HBP1: variants seen among roughly 807,000 people sequenced by gnomAD.
The protein encoded by HBP1 is HMG box-containing protein 1.
Under a neutral mutation model 62.6 loss-of-function variants are expected in HBP1, and 20 were observed. The ratio of observed to expected loss-of-function variants is 0.32; its 90% CI spans 0.22 to 0.46. The LOEUF (loss-of-function observed/expected upper bound fraction) is 0.46, where lower values mean the gene tolerates loss of function less well. HBP1 is among the 20% of genes least tolerant of loss of function. The pLI is 1.00. For synonymous variants in HBP1, 232 were observed against 206.2 expected, an observed-to-expected ratio of 1.12 and a Z score of -1.07; for missense variants, 480 against 611.8, an observed-to-expected ratio of 0.78 and a Z score of 2.27.
intron 1 of HBP1, among the ~76,000 whole-genome samples, chr7:107,173,195 T>C (rs1230241397): frequency 6.6e-6 from 1 of 152,240 alleles, no homozygotes. Flanking sequence ...CATGTAATTA[T>C]GTAATCCATT....
In HBP1 at chr7:107,169,084, G is replaced by T; in HGVS notation, c.-117G>T. On this transcript the variant is annotated 5_prime_UTR_variant, in exon 1 of 11. Transcript: ENST00000222574. ...AGCTGCCGCGGGAGCAGTAACCCGC[G>T]CGGGGGAGGCCGACGTCGGTCGGAG... 1 of 1,286,696 alleles carries T rather than the reference G, an allele frequency of 7.8e-7. No homozygotes were observed. The highest frequency in any genetic ancestry group is 1.0e-6 in the Non-Finnish European group (1 of 987,136). The allele number at this position is 1,286,696 out of a possible 1,614,324, so 79.7% of individuals were successfully genotyped here. A position where few individuals can be genotyped will look rare whatever the true frequency, so the allele number is the denominator to read the frequency against.
At chr7:107,198,914 G>T (rs1294833171) in intron 9 of HBP1, among the ~76,000 whole-genome samples, 7 of 152,146 alleles carry the variant, frequency 4.6e-5, no homozygotes, top group Non-Finnish European at 8.8e-5. Flanking sequence ...TGTTTCGCAA[G>T]TGCCACCCCC....
rs551086672 is a variant in HBP1 at position 107,190,247 on chromosome 7, G to A, written c.997G>A (p.Val333Ile). Residue 333 changes from valine to isoleucine, a missense_variant, in exon 8 of 11, where the codon GTA becomes ATA. Around this residue, in one of 4 missense-constraint regions of HBP1, gnomAD observed 58 missense variants for 128.5 expected, o/e 0.45. Coordinates refer to ENST00000222574, the MANE Select transcript of HBP1 (RefSeq NM_012257.4). ...ATGTTGTGAAGTTCATATTGGCGAT[G>A]TATGTCTACCTCCTGGACACCCCGA... is the stretch of plus-strand genomic sequence containing the variant. ...IPCCEVHIGD[V>I]CLPPGHPDAI... 4.3e-6 allele frequency: 7 copies of A among 1,611,606 alleles called. No individual in the cohort carries two copies. The African/African-American group carries it at 5.3e-5, about 12-fold the overall frequency.
chr7:107,189,135 G>A (rs1797527189), intron 6 of HBP1, among the ~76,000 whole-genome samples, 157 bp from the exon 7 acceptor site: 1 of 152,134 alleles, frequency 6.6e-6, no homozygotes, highest in South Asian at 2.1e-4. Context: ...ATTTATATAT[G>A]TGTCTTTCTT....
In HBP1 at chr7:107,196,166, A is replaced by G; in HGVS notation, c.1385+15A>G. 7.3e-7 allele frequency: 1 copy of G among 1,375,346 alleles called. No homozygotes were observed. Among genetic ancestry groups the G allele is most frequent in the Admixed American group, 1.7e-5 (1 of 59,432 alleles). 85.2% of individuals were successfully genotyped at this position (1,375,346 alleles called of 1,614,324 possible). A position where few individuals can be genotyped will look rare whatever the true frequency, so the allele number is the denominator to read the frequency against. On this transcript the variant is annotated intron_variant, in intron 9 of 10. Coordinates refer to ENST00000222574, the MANE Select transcript of HBP1 (RefSeq NM_012257.4). ...AAAGATAACAGGTAAAAATAGTGAT[A>G]ATTCTGATTACAATAAATGAGTAAC...
chr7:107,169,711 T>C (rs1026936997), intron 1 of HBP1: 17 of 984,286 alleles, frequency 1.7e-5, no homozygotes, highest in Non-Finnish European at 1.9e-5. Flanking sequence ...CCGGGGCTCA[T>C]TGTTACGCAG....
At chr7:107,199,965 G>A (rs1798147121) in intron 9 of HBP1, among the ~76,000 whole-genome samples, 195 bp from the exon 10 acceptor site, 1 of 152,188 alleles carries the variant, frequency 6.6e-6, no homozygotes, top group South Asian at 2.1e-4. Flanking sequence ...TCATGCTGCT[G>A]ATACGGAACA....
At chr7:107,183,454 A>G (rs1159209628) in intron 3 of HBP1, among the ~76,000 whole-genome samples, 1 of 152,186 alleles carries the variant, frequency 6.6e-6, no homozygotes, top group African/African-American at 2.4e-5. Flanking sequence ...CAGGATATTG[A>G]TCTTGACTAG....
chr7:107,177,820 TG>T (rs1796928447), intron 1 of HBP1, among the ~76,000 whole-genome samples: 1 of 152,218 alleles, frequency 6.6e-6, no homozygotes, highest in Non-Finnish European at 1.5e-5. Context: ...GTCTGGTTGG[TG>T]GGGTTAGAAG....
intron 1 of HBP1, among the ~76,000 whole-genome samples, chr7:107,170,966 AT>A (rs1336568164): frequency 6.9e-6 from 1 of 144,560 alleles, no homozygotes; most frequent in Non-Finnish European, 1.5e-5. Flanking sequence ...TATATATAAA[AT>A]ATATAACATA....
At chr7:107,172,343 A>T (rs113069325) in intron 1 of HBP1, among the ~76,000 whole-genome samples, 23,941 of 152,186 alleles carry the variant, frequency 0.16, 2,354 homozygotes, top group Non-Finnish European at 0.22. Context: ...TTTTGATTTC[A>T]CTTTCTAGTT....
chr7:107,199,833 T>A (rs1798134538), intron 9 of HBP1, among the ~76,000 whole-genome samples: 1 of 152,222 alleles, frequency 6.6e-6, no homozygotes, highest in East Asian at 1.9e-4. Context: ...GAGAGAGAAA[T>A]AGTAAGATAT....
At chr7:107,172,525 T>G (rs1796649383) in intron 1 of HBP1, among the ~76,000 whole-genome samples, 1 of 152,166 alleles carries the variant, frequency 6.6e-6, no homozygotes, top group Non-Finnish European at 1.5e-5. Flanking sequence ...ATATGACTCA[T>G]CTTAAATACT....
intron 9 of HBP1, among the ~76,000 whole-genome samples, chr7:107,198,621 A>T (rs1197967614): frequency 1.3e-5 from 2 of 152,206 alleles, no homozygotes; most frequent in African/African-American, 2.4e-5. Context: ...TGAATGGGAT[A>T]AATCATAATT....
Position 107,189,304 on chromosome 7 carries a change from G to C in HBP1, c.778G>C (p.Asp260His), listed in dbSNP as rs1178669143. Reference protein sequence around the residue: ...QMGIHKGYGSDGLKLLSHEES... With the variant: ...QMGIHKGYGSHGLKLLSHEES... Reference sequence around the variant, plus strand: ...CATATATTTTCAGGGCTATGGTTCTGATGGTCTAAAGTTGTTATCACATGA... The same window carrying C: ...CATATATTTTCAGGGCTATGGTTCTCATGGTCTAAAGTTGTTATCACATGA... Residue 260 changes from aspartate (D) to histidine (H), a missense_variant, in exon 7 of 11, where the codon GAT (aspartate) becomes CAT (histidine). Physicochemically the swap from Asp to His is moderately conservative, Grantham distance 81. Around this residue, in one of 4 missense-constraint regions of HBP1, gnomAD observed 304 missense variants for 330.9 expected, o/e 0.92. Transcript: ENST00000222574. 6.2e-6 allele frequency: 10 copies of C among 1,612,336 alleles called. No individual in the cohort carries two copies. The highest frequency in any genetic ancestry group is 7.6e-6 in the Non-Finnish European group (9 of 1,178,892).
At chr7:107,193,920 A>G (rs1252266600) in intron 8 of HBP1, among the ~76,000 whole-genome samples, 2 of 152,204 alleles carry the variant, frequency 1.3e-5, no homozygotes, top group African/African-American at 4.8e-5. Context: ...AAGTTAATAT[A>G]TGTGACATGG....
chr7:107,182,064 A>C (rs1797132644), intron 2 of HBP1, among the ~76,000 whole-genome samples: 1 of 152,212 alleles, frequency 6.6e-6, no homozygotes, highest in African/African-American at 2.4e-5. Flanking sequence ...AGGTTATTAA[A>C]GTATGTGAGT....
intron 1 of HBP1, among the ~76,000 whole-genome samples, chr7:107,171,068 TA>T (rs1250275615): frequency 0.16 from 9,828 of 63,072 alleles, 1,476 homozygotes; most frequent in Middle Eastern, 0.18. Flanking sequence ...TATATATATA[TA>T]TATATTTTTT....
In HBP1 at chr7:107,182,193, A is replaced by C. The variant is rs543013398; in HGVS notation, c.170-180A>C. On this transcript the variant is annotated intron_variant, in intron 2 of 10. Transcript: ENST00000222574. ...GGTACAAAACACTAGGGGGAATAAG[A>C]AGCAGAAAACACAAACCAAACCATG... 2.0e-5 allele frequency among the ~76,000 whole-genome samples: 3 copies of C among 152,322 alleles called. No individual in the cohort carries two copies. The East Asian group carries it at 5.8e-4, about 29-fold the overall frequency.
Sources: allele counts gnomAD v4.1 joint callset (sites outside exome capture counted in the v4.1 genomes callset), GRCh38; gene constraint gnomAD v4.1.1; regional missense constraint gnomAD v4.1.1; transcripts MANE v1.5; gene names NCBI Gene and HGNC (gene_info 2026-07-23, HGNC 2026-07-21).